Variants in PAWR observed in about 807,000 individuals in gnomAD.
PAWR encodes the protein pro-apoptotic WT1 regulator, also known as PRKC apoptosis WT1 regulator protein.
A neutral mutation model predicts 32.0 loss-of-function variants in PAWR; 23 were observed. The ratio of observed to expected loss-of-function variants is 0.72; its 90% CI spans 0.52 to 1.02. The LOEUF is 1.02. Among genes scored for constraint, PAWR ranks in the 50% least tolerant of loss-of-function variants. PAWR has a pLI of 0.00. For missense variants in PAWR, 457 were observed against 437.7 expected (o/e 1.04, Z -0.39); for synonymous variants, 226 against 187.1 (o/e 1.21, Z -1.70).
chr12:79,607,660 T>C (rs1368975763), intron 4 of PAWR, among the ~76,000 whole-genome samples: 1 of 151,080 alleles, frequency 6.6e-6, no homozygotes, highest in East Asian at 1.9e-4. Context: ...GCCAGGGAAT[T>C]GAGGGCTGCA....
chr12:79,657,031 C>T (rs555187171), intron 2 of PAWR, among the ~76,000 whole-genome samples: 45 of 152,174 alleles, frequency 3.0e-4, no homozygotes, highest in African/African-American at 9.4e-4. Flanking sequence ...CAGCATCTTA[C>T]GCACATGAGG....
chr12:79,676,426 ACAGT>A (rs770087865), intron 2 of PAWR, among the ~76,000 whole-genome samples: 2 of 151,842 alleles, frequency 1.3e-5, no homozygotes, highest in Non-Finnish European at 2.9e-5. Flanking sequence ...GAAGACACTA[ACAGT>A]CAATTAAATA....
At chr12:79,663,960 T>C (rs904432340) in intron 2 of PAWR, among the ~76,000 whole-genome samples, 2 of 152,200 alleles carry the variant, frequency 1.3e-5, no homozygotes, top group African/African-American at 2.4e-5. Context: ...ACAAAGTATA[T>C]GCCAAATATA....
Position 79,591,890 on chromosome 12 carries a change from A to G in PAWR, c.*717T>C, listed in dbSNP as rs1253422869. 6.6e-6 allele frequency: 1 copy of G among 152,548 alleles called. No individual in the cohort carries two copies. Among genetic ancestry groups the G allele is most frequent in the Non-Finnish European group, 1.5e-5 (1 of 67,974 alleles). 9.4% of individuals were successfully genotyped at this position (152,548 alleles called of 1,614,324 possible). On this transcript the variant is annotated 3_prime_UTR_variant, in exon 7 of 7. Coordinates refer to ENST00000328827, the MANE Select transcript of PAWR (RefSeq NM_002583.4). ...CCTTGGAACGATAAAAAAAGGTAGT[A>G]CCTACATAAGAAATTTTACATTGAA...
chr12:79,667,495 C>T (rs776150115), intron 2 of PAWR, among the ~76,000 whole-genome samples: 2 of 151,974 alleles, frequency 1.3e-5, no homozygotes, highest in African/African-American at 2.4e-5. Flanking sequence ...AAGCTTTATT[C>T]AACAGATAAA....
At chr12:79,614,285 C>T (rs1252119493) in intron 3 of PAWR, among the ~76,000 whole-genome samples, 2 of 151,578 alleles carry the variant, frequency 1.3e-5, no homozygotes, top group African/African-American at 4.9e-5. Flanking sequence ...GCTGGGATTA[C>T]AGGTGTGAGC....
At chr12:79,618,370 C>T (rs1874845683) in intron 3 of PAWR, among the ~76,000 whole-genome samples, 2 of 152,108 alleles carry the variant, frequency 1.3e-5, no homozygotes, top group African/African-American at 4.8e-5. Flanking sequence ...ATCAAGTGGT[C>T]CACCCACTTC....
rs59152885 is a variant in PAWR, at chr12:79,632,132, C to CAAAAAAAAAAAAA, written c.517-10938_517-10926dup. On this transcript the variant is annotated intron_variant, in intron 2 of 6. Transcript: ENST00000328827. ...TGGGTGACAGAGCAAGACTCTGTCT[C>CAAAAAAAAAAAAA]AAAAAAAAAAAAAAAAAAATACAAC... 6.1e-4 allele frequency: 31 copies of CAAAAAAAAAAAAA among 50,908 alleles called. 1 individual carries two copies. The highest frequency in any genetic ancestry group is 2.0e-3 in the African/African-American group (31 of 15,286). The allele number at this position is 50,908 out of a possible 1,614,324, so 3.2% of individuals were successfully genotyped here. A position where few individuals can be genotyped will look rare whatever the true frequency, so the allele number is the denominator to read the frequency against.
chr12:79,654,839 CCT>C (rs1877021631), intron 2 of PAWR, among the ~76,000 whole-genome samples: 1 of 152,120 alleles, frequency 6.6e-6, no homozygotes, highest in Admixed American at 6.5e-5. Context: ...CTATCACTTC[CCT>C]CTCTCTAAAC....
At chr12:79,656,503 G>A (rs1256078492) in intron 2 of PAWR, among the ~76,000 whole-genome samples, 1 of 152,036 alleles carries the variant, frequency 6.6e-6, no homozygotes, top group East Asian at 1.9e-4. Flanking sequence ...GCAATGACTT[G>A]GAAAAACTAG....
At chr12:79,658,901 T>C (rs1877216352) in intron 2 of PAWR, among the ~76,000 whole-genome samples, 1 of 149,334 alleles carries the variant, frequency 6.7e-6, no homozygotes, top group Non-Finnish European at 1.5e-5. Flanking sequence ...CTTCAAGTGA[T>C]CCACCCACCT....
intron 2 of PAWR, among the ~76,000 whole-genome samples, chr12:79,645,272 T>A (rs1248620499): frequency 6.6e-6 from 1 of 152,224 alleles, no homozygotes; most frequent in African/African-American, 2.4e-5. Flanking sequence ...CTTATACTGT[T>A]TGGACCAAAC....
At chr12:79,679,464 C>T (rs575730662) in intron 2 of PAWR, among the ~76,000 whole-genome samples, 2 of 152,228 alleles carry the variant, frequency 1.3e-5, no homozygotes, top group South Asian at 4.1e-4. Context: ...AAGAAATGAA[C>T]AGTCAGCAGG....
At chr12:79,606,761 T>A (rs894264418) in intron 4 of PAWR, among the ~76,000 whole-genome samples, 1 of 152,188 alleles carries the variant, frequency 6.6e-6, no homozygotes, top group South Asian at 2.1e-4. Context: ...TAATGCAACA[T>A]ATGCTGACAC....
intron 2 of PAWR, among the ~76,000 whole-genome samples, chr12:79,672,317 T>C (rs924851261): frequency 2.0e-5 from 3 of 152,188 alleles, no homozygotes; most frequent in Admixed American, 2.0e-4. Flanking sequence ...CTGGTCTTTA[T>C]CTCTTCTCAC....
chr12:79,629,992 A>G (rs930113668), intron 2 of PAWR, among the ~76,000 whole-genome samples: 1 of 152,104 alleles, frequency 6.6e-6, no homozygotes, highest in Non-Finnish European at 1.5e-5. Flanking sequence ...AATTTATAAC[A>G]ATGAATATTT....
chr12:79,610,035 C>T (rs570754634), intron 4 of PAWR, among the ~76,000 whole-genome samples: 1 of 152,286 alleles, frequency 6.6e-6, no homozygotes, highest in East Asian at 1.9e-4. Flanking sequence ...CTCCCCCTCC[C>T]ACGAGGGGTA....
Position 79,675,148 on chromosome 12 carries a change from G to A in PAWR, c.516+14581C>T, listed in dbSNP as rs374575201. ...ATCACAGCACTTTGGAGGCCAAGGCGGGTGGATCGCTTGGGCTCAGGAGTT... is the reference window on the plus strand; with the variant it reads ...ATCACAGCACTTTGGAGGCCAAGGCAGGTGGATCGCTTGGGCTCAGGAGTT... On this transcript the variant is annotated intron_variant, in intron 2 of 6. Transcript: ENST00000328827. Among the ~76,000 whole-genome samples, 35 of 152,290 alleles carry A rather than the reference G, an allele frequency of 2.3e-4. No individual in the cohort carries two copies. In the Middle Eastern group the frequency reaches 0.014, roughly 59 times the overall value.
At chr12:79,629,020 G>A (rs1189877570) in intron 2 of PAWR, among the ~76,000 whole-genome samples, 1 of 151,934 alleles carries the variant, frequency 6.6e-6, no homozygotes, top group African/African-American at 2.4e-5. Context: ...GCCAATCAAA[G>A]AGCTTTTTAG....
Sources: allele counts gnomAD v4.1 joint callset (sites outside exome capture counted in the v4.1 genomes callset), GRCh38; gene constraint gnomAD v4.1.1; transcripts MANE v1.5; gene names NCBI Gene and HGNC (gene_info 2026-07-23, HGNC 2026-07-21).